Variants in GALNT17 observed in about 807,000 individuals in gnomAD.
GALNT17 encodes the protein polypeptide N-acetylgalactosaminyltransferase 17, also known as UDP-GalNAc:polypeptide N-acetylgalactosaminyltransferase-like 3.
GALNT17 carries 29 observed loss-of-function variants against 63.7 expected under a neutral mutation model. That is an observed-to-expected ratio of 0.46 (90% CI 0.34 to 0.62). The LOEUF is 0.62. GALNT17 is among the 20% of genes least tolerant of loss of function. The pLI is 0.01. For synonymous variants in GALNT17, 305 were observed against 318.3 expected (o/e 0.96, Z 0.45); for missense variants, 603 against 799.6 (o/e 0.75, Z 2.97).
chr7:71,551,227 T>G (rs890854652), intron 5 of GALNT17, among the ~76,000 whole-genome samples: 5 of 152,190 alleles, frequency 3.3e-5, no homozygotes, highest in Non-Finnish European at 7.3e-5. Context: ...TTCAGCTGTG[T>G]CTAATCTGCT....
intron 2 of GALNT17, among the ~76,000 whole-genome samples, chr7:71,361,103 TTA>T (rs1367232123): frequency 2.0e-5 from 3 of 152,126 alleles, no homozygotes; most frequent in Non-Finnish European, 4.4e-5. Flanking sequence ...CTCATTATTA[TTA>T]TATGAGTTAC....
At chr7:71,157,228 C>G (rs1585845317) in intron 1 of GALNT17, among the ~76,000 whole-genome samples, 1 of 151,942 alleles carries the variant, frequency 6.6e-6, no homozygotes, top group African/African-American at 2.4e-5. Flanking sequence ...GATATCACCC[C>G]TAGTTCCCAT....
At position 71,573,321 on chromosome 7, in the gene GALNT17, A is replaced by T. The variant is rs190111393; in HGVS notation, c.1080+1919A>T. Among the ~76,000 whole-genome samples the T allele has an allele frequency of 2.5e-3, 361 of 144,340 alleles. 2 individuals carry two copies. Among genetic ancestry groups the T allele is most frequent in the African/African-American group, 7.6e-3 (295 of 38,814 alleles). The allele number at this position is 144,340 out of a possible 152,430, so 94.7% of individuals were successfully genotyped here. ...TCCCATGCCTGGCCTTTAATTAATT[A>T]ATTAATTTATTTATTTATTTATTTT... On this transcript the variant is annotated intron_variant, in intron 6 of 10. Transcript: ENST00000333538.
chr7:71,386,942 G>C (rs1448161595), intron 2 of GALNT17, among the ~76,000 whole-genome samples: 3 of 152,142 alleles, frequency 2.0e-5, no homozygotes, highest in Non-Finnish European at 4.4e-5. Flanking sequence ...AGTGGGTTCA[G>C]TAGATGCCTT....
At chr7:71,222,362 G>A (rs1014419835) in intron 1 of GALNT17, among the ~76,000 whole-genome samples, 13 of 151,892 alleles carry the variant, frequency 8.6e-5, no homozygotes, top group Non-Finnish European at 1.5e-4. Context: ...GCTCGATCTC[G>A]GCTCACTGCA....
chr7:71,627,418 C>T (rs1017340051), intron 6 of GALNT17, among the ~76,000 whole-genome samples: 4 of 152,028 alleles, frequency 2.6e-5, no homozygotes, highest in African/African-American at 4.8e-5. Context: ...GACCCGGTCT[C>T]GAAAAGAAAA....
chr7:71,138,334 ATC>A (rs1433611500), intron 1 of GALNT17, among the ~76,000 whole-genome samples: 3 of 151,606 alleles, frequency 2.0e-5, no homozygotes, highest in Non-Finnish European at 4.4e-5. Flanking sequence ...AGAAAAAAAA[ATC>A]ATGTGGAAGA....
At chr7:71,501,626 T>A (rs1788182042) in intron 5 of GALNT17, among the ~76,000 whole-genome samples, 1 of 152,142 alleles carries the variant, frequency 6.6e-6, no homozygotes, top group African/African-American at 2.4e-5. Flanking sequence ...GGGTCTTCTC[T>A]GGCCAAAACC....
At chr7:71,409,017 A>AGCACACAC (rs374011039) in intron 3 of GALNT17, among the ~76,000 whole-genome samples, 7 of 144,868 alleles carry the variant, frequency 4.8e-5, no homozygotes, top group Admixed American at 4.2e-4. Context: ...CACATACACA[A>AGCACACAC]ACACACACAC....
At chr7:71,259,735 G>A (rs1027484897) in intron 1 of GALNT17, among the ~76,000 whole-genome samples, 5 of 147,656 alleles carry the variant, frequency 3.4e-5, no homozygotes, top group Admixed American at 2.0e-4. Flanking sequence ...TCCGCCTCCC[G>A]GGTTCATGCC....
At chr7:71,408,405 A>G (rs553861486) in intron 3 of GALNT17, among the ~76,000 whole-genome samples, 8 of 152,292 alleles carry the variant, frequency 5.3e-5, no homozygotes, top group Admixed American at 2.6e-4. Context: ...AGTGGTGGCA[A>G]TGGGAGTTGA....
At chr7:71,457,569 T>C (rs187318718) in intron 5 of GALNT17, among the ~76,000 whole-genome samples, 75 of 152,310 alleles carry the variant, frequency 4.9e-4, no homozygotes, top group Admixed American at 2.1e-3. Flanking sequence ...TTCTTGATGA[T>C]ATGCTAAACA....
In GALNT17 at chr7:71,148,894, G is replaced by A. The variant is rs552757620; in HGVS notation, c.238+15854G>A. The stretch of plus-strand genomic sequence containing the variant: ...TATATATATATATATATATATATAT[G>A]TATACCATAGTTAACCATACACAAC... On this transcript the variant is annotated intron_variant, in intron 1 of 10. Transcript: ENST00000333538. Among the ~76,000 whole-genome samples, 471 of 87,900 alleles carry A rather than the reference G, an allele frequency of 5.4e-3. 2 individuals are homozygous for A. Among genetic ancestry groups the A allele is most frequent in the Middle Eastern group, 0.019 (3 of 154 alleles). 57.7% of individuals were successfully genotyped at this position (87,900 alleles called of 152,430 possible).
Position 71,542,718 on chromosome 7 carries a change from G to C in GALNT17, c.963-28567G>C, listed in dbSNP as rs917126427. 2.3e-4 allele frequency among the ~76,000 whole-genome samples: 33 copies of C among 142,082 alleles called. No individual in the cohort carries two copies. The East Asian group carries it at 6.4e-3, about 27-fold the overall frequency. The allele number at this position is 142,082 out of a possible 152,430, so 93.2% of individuals were successfully genotyped here. ...GTCAAAAAAAAAAAAAAAAGATAAC[G>C]ATAATCTGGAAGCAGTGATGGAAAT... is the stretch of plus-strand genomic sequence containing the variant. On this transcript the variant is annotated intron_variant, in intron 5 of 10. Coordinates refer to ENST00000333538, the MANE Select transcript of GALNT17 (RefSeq NM_022479.3).
chr7:71,668,470 C>T (rs182734669), intron 7 of GALNT17, among the ~76,000 whole-genome samples: 14 of 117,784 alleles, frequency 1.2e-4, no homozygotes, highest in African/African-American at 4.4e-4. Context: ...GAGCCAAGAT[C>T]GCACCATTGC....
intron 4 of GALNT17, among the ~76,000 whole-genome samples, chr7:71,417,479 C>G (rs887309074): frequency 6.6e-6 from 1 of 152,156 alleles, no homozygotes; most frequent in African/African-American, 2.4e-5. Flanking sequence ...AGCTGTTTAT[C>G]TCTAGTAATA....
intron 5 of GALNT17, among the ~76,000 whole-genome samples, chr7:71,539,132 A>G (rs1344652935): frequency 1.3e-5 from 2 of 152,044 alleles, no homozygotes; most frequent in African/African-American, 4.8e-5. Flanking sequence ...AAGTTTCACC[A>G]TGTTGGCCAC....
intron 2 of GALNT17, among the ~76,000 whole-genome samples, chr7:71,339,990 A>T (rs913383928): frequency 6.6e-6 from 1 of 152,224 alleles, no homozygotes; most frequent in Admixed American, 6.5e-5. Flanking sequence ...ATTTTGGAAG[A>T]TGGAAAGAGG....
At chr7:71,658,132 C>T (rs978685481) in intron 6 of GALNT17, among the ~76,000 whole-genome samples, 1 of 152,174 alleles carries the variant, frequency 6.6e-6, no homozygotes, top group South Asian at 2.1e-4. Flanking sequence ...GTCTTGAACT[C>T]CTGGCCTCAA....
Sources: allele counts gnomAD v4.1 joint callset (sites outside exome capture counted in the v4.1 genomes callset), GRCh38; gene constraint gnomAD v4.1.1; transcripts MANE v1.5; gene names NCBI Gene and HGNC (gene_info 2026-07-23, HGNC 2026-07-21).